The following MAP2 variants were observed in gnomAD, a reference collection of about 807,000 sequenced individuals.
MAP2 encodes microtubule-associated protein 2.
A neutral mutation model predicts 137.6 loss-of-function variants in MAP2; 14 were observed. The ratio of observed to expected loss-of-function variants is 0.10; its 90% confidence interval spans 0.07 to 0.16. The LOEUF is 0.16. Ranked by LOEUF, MAP2 falls within the 10% of genes least tolerant of loss-of-function variation. The pLI is 1.00. For missense variants in MAP2, 2,088 were observed against 2,191.5 expected (o/e 0.95, Z 0.94); for synonymous variants, 786 against 782.3 (o/e 1.00, Z -0.08).
chr2:209,701,188 C>T (rs2061669816), intron 11 of MAP2, among the ~76,000 whole-genome samples: 2 of 151,972 alleles, frequency 1.3e-5, no homozygotes, highest in African/African-American at 2.4e-5. Flanking sequence ...CTTATACATT[C>T]TGTATAAGGA....
chr2:209,605,844 T>C (rs567315597), intron 3 of MAP2, among the ~76,000 whole-genome samples: 1 of 152,300 alleles, frequency 6.6e-6, no homozygotes, highest in South Asian at 2.1e-4. Context: ...CTCTCCTCCA[T>C]TGCCTTAGAC....
chr2:209,684,020 T>G (rs2055952474), intron 7 of MAP2, among the ~76,000 whole-genome samples: 1 of 152,158 alleles, frequency 6.6e-6, no homozygotes, highest in South Asian at 2.1e-4. Context: ...AGAAAACATT[T>G]ACAAGGGATT....
At chr2:209,606,572 C>G (rs1211378588) in intron 3 of MAP2, among the ~76,000 whole-genome samples, 1 of 152,056 alleles carries the variant, frequency 6.6e-6, no homozygotes, top group African/African-American at 2.4e-5. Flanking sequence ...AGAGTAGATT[C>G]ATTCTGTGGG....
chr2:209,654,073 C>G (rs1273023685), intron 5 of MAP2, among the ~76,000 whole-genome samples: 1 of 152,152 alleles, frequency 6.6e-6, no homozygotes, highest in East Asian at 1.9e-4. Flanking sequence ...CAGATTATTT[C>G]TGCTTTGGGC....
chr2:209,486,071 T>G (rs558108177), intron 1 of MAP2, among the ~76,000 whole-genome samples: 3 of 152,320 alleles, frequency 2.0e-5, no homozygotes, highest in Admixed American at 2.0e-4. Context: ...ACTATAGGAA[T>G]ATAAGCTTCA....
At chr2:209,534,823 T>C (rs534027546) in intron 2 of MAP2, among the ~76,000 whole-genome samples, 2 of 152,290 alleles carry the variant, frequency 1.3e-5, no homozygotes, top group African/African-American at 2.4e-5. Flanking sequence ...GAAATACTCA[T>C]GAAACATGAA....
chr2:209,602,624 C>T (rs1486076982), intron 3 of MAP2, among the ~76,000 whole-genome samples: 1 of 152,208 alleles, frequency 6.6e-6, no homozygotes, highest in Non-Finnish European at 1.5e-5. Context: ...TACACATTCA[C>T]ACTGTGAATC....
intron 1 of MAP2, among the ~76,000 whole-genome samples, chr2:209,497,234 G>A (rs1576338702): frequency 6.6e-6 from 1 of 152,162 alleles, no homozygotes; most frequent in African/African-American, 2.4e-5. Flanking sequence ...ATCAGAGTGG[G>A]GCCCTAATCC....
At chr2:209,435,962 ATAT>A (rs1695920568) in intron 1 of MAP2, among the ~76,000 whole-genome samples, 1 of 140,024 alleles carries the variant, frequency 7.1e-6, no homozygotes, top group South Asian at 2.1e-4. Context: ...TATACAGTAT[ATAT>A]TATATATAAT....
intron 1 of MAP2, among the ~76,000 whole-genome samples, chr2:209,499,437 G>T (rs945786964): frequency 3.3e-5 from 5 of 151,994 alleles, no homozygotes; most frequent in Non-Finnish European, 7.4e-5. Context: ...TCATCTTTCT[G>T]TCTTCTTCTG....
chr2:209,599,398 T>A (rs2082333956), intron 3 of MAP2, among the ~76,000 whole-genome samples: 1 of 152,106 alleles, frequency 6.6e-6, no homozygotes, highest in Admixed American at 6.6e-5. Flanking sequence ...CATACCTAAC[T>A]GACATCCCAA....
intron 1 of MAP2, among the ~76,000 whole-genome samples, chr2:209,490,605 CAAAAAAAAAAAAAA>C (rs59133937): frequency 2.3e-3 from 13 of 5,562 alleles, no homozygotes; most frequent in African/African-American, 3.7e-3. Context: ...AAATGGAAAG[CAAAAAAAAAAAAAA>C]AAAAAAAAAA....
At chr2:209,432,478 A>T (rs1694559103) in intron 1 of MAP2, among the ~76,000 whole-genome samples, 1 of 152,210 alleles carries the variant, frequency 6.6e-6, no homozygotes, top group African/African-American at 2.4e-5. Context: ...CTTGAAAGCC[A>T]CGAAAGGCAT....
chr2:209,427,125 A>G (rs1447467113), intron 1 of MAP2, among the ~76,000 whole-genome samples: 2 of 152,222 alleles, frequency 1.3e-5, no homozygotes, highest in Non-Finnish European at 2.9e-5. Flanking sequence ...TGAAACTGAC[A>G]TGGGGATTTT....
In MAP2 at chr2:209,619,844, A is replaced by G. The variant is rs569765717; in HGVS notation, c.-106-5209A>G. 1.4e-4 allele frequency among the ~76,000 whole-genome samples: 21 copies of G among 152,264 alleles called. No individual in the cohort carries two copies. The South Asian group carries it at 4.4e-3, about 32-fold the overall frequency. The stretch of plus-strand genomic sequence containing the variant: ...ATTTATTGCTCACCAGATATCAGAT[A>G]TCCATTTATCCCCCATGTTTCTCCA... On this transcript the variant is annotated intron_variant, in intron 3 of 15. Coordinates refer to ENST00000682079, the MANE Select transcript of MAP2 (RefSeq NM_001375505.1).
chr2:209,557,668 A>G (rs890906512), intron 2 of MAP2, among the ~76,000 whole-genome samples: 2 of 152,308 alleles, frequency 1.3e-5, no homozygotes, highest in Non-Finnish European at 2.9e-5. Flanking sequence ...AAGAGTGAGA[A>G]TGAGCCAGGT....
chr2:209,522,246 T>C (rs1350654277), intron 2 of MAP2, among the ~76,000 whole-genome samples: 1 of 152,108 alleles, frequency 6.6e-6, no homozygotes, highest in East Asian at 1.9e-4. Context: ...TAGAAAGCCA[T>C]GGCCATACAC....
At chr2:209,523,775 A>C (rs993796242) in intron 2 of MAP2, among the ~76,000 whole-genome samples, 2 of 152,142 alleles carry the variant, frequency 1.3e-5, no homozygotes, top group African/African-American at 4.8e-5. Flanking sequence ...TAGATTTCCA[A>C]ATTTGTCTTT....
chr2:209,457,645 C>G (rs141008781), intron 1 of MAP2, among the ~76,000 whole-genome samples: 9 of 152,232 alleles, frequency 5.9e-5, no homozygotes, highest in Non-Finnish European at 1.3e-4. Flanking sequence ...TAAAAGAGGA[C>G]AGGGATATCC....
Sources: allele counts gnomAD v4.1 joint callset (sites outside exome capture counted in the v4.1 genomes callset), GRCh38; gene constraint gnomAD v4.1.1; transcripts MANE v1.5; gene names NCBI Gene and HGNC (gene_info 2026-07-23, HGNC 2026-07-21).